The following COL19A1 variants were observed in gnomAD, a reference collection of about 807,000 sequenced individuals.
COL19A1 encodes the protein collagen alpha-1(XIX) chain.
A neutral mutation model predicts 190.2 loss-of-function variants in COL19A1; 159 were observed. The observed-to-expected ratio is 0.84, with a 90% CI of 0.73 to 0.95. The LOEUF (loss-of-function observed/expected upper bound fraction) is 0.95, where lower values mean the gene tolerates loss of function less well. Ranked by LOEUF, COL19A1 falls within the 40% of genes least tolerant of loss-of-function variation. The probability of loss-of-function intolerance (pLI) is 0.00; values close to 1 mark genes in which losing one functional copy is unlikely to be tolerated. For missense variants in COL19A1, 1,418 were observed against 1,431.9 expected, an observed-to-expected ratio of 0.99 and a Z score of 0.16; for synonymous variants, 509 against 458.9, an observed-to-expected ratio of 1.11 and a Z score of -1.39.
intron 22 of COL19A1, 52 bp from the exon 23 acceptor site, chr6:70,142,715 C>CTTTTTTTTT: frequency 2.8e-6 from 4 of 1,425,548 alleles, no homozygotes; most frequent in Admixed American, 2.0e-5. Context: ...TACAATCTAT[C>CTTTTTTTTT]TTTTTTTTTC....
intron 11 of COL19A1, among the ~76,000 whole-genome samples, chr6:69,975,130 T>A (rs755980141): frequency 5.9e-5 from 9 of 152,170 alleles, no homozygotes; most frequent in Non-Finnish European, 1.3e-4. Context: ...CTTCTTAAAC[T>A]GTCTCCTAAA....
At chr6:69,911,242 T>G (rs1010468908) in intron 4 of COL19A1, among the ~76,000 whole-genome samples, 5 of 152,232 alleles carry the variant, frequency 3.3e-5, no homozygotes, top group Non-Finnish European at 4.4e-5. Flanking sequence ...ATTTCAATTC[T>G]TTCAACTTAG....
intron 11 of COL19A1, among the ~76,000 whole-genome samples, chr6:69,978,540 T>C (rs1775855635): frequency 6.6e-6 from 1 of 151,666 alleles, no homozygotes; most frequent in Admixed American, 6.6e-5. Context: ...TAAAAATCAA[T>C]GCACAAGAAA....
intron 15 of COL19A1, among the ~76,000 whole-genome samples, chr6:70,069,537 A>G (rs1179742581): frequency 6.6e-6 from 1 of 152,156 alleles, no homozygotes; most frequent in Non-Finnish European, 1.5e-5. Flanking sequence ...AGTTGTCGAG[A>G]ATGAGACTGG....
chr6:70,160,421 T>C (rs1259367407), intron 34 of COL19A1, among the ~76,000 whole-genome samples: 3 of 152,094 alleles, frequency 2.0e-5, no homozygotes, highest in Non-Finnish European at 4.4e-5. Flanking sequence ...GAGATTTGGG[T>C]AGAGACTCAG....
intron 40 of COL19A1, among the ~76,000 whole-genome samples, chr6:70,170,411 C>A (rs1441958657): frequency 1.3e-5 from 2 of 152,176 alleles, no homozygotes; most frequent in African/African-American, 4.8e-5. Flanking sequence ...TGACAATAGA[C>A]CTGCCTCACT....
At chr6:69,883,035 A>G (rs969092821) in intron 2 of COL19A1, among the ~76,000 whole-genome samples, 6 of 152,210 alleles carry the variant, frequency 3.9e-5, no homozygotes, top group African/African-American at 1.4e-4. Flanking sequence ...CTAACTAGGT[A>G]TTTTCCTTTG....
At chr6:69,985,436 A>T (rs1456378945) in intron 11 of COL19A1, among the ~76,000 whole-genome samples, 2 of 152,202 alleles carry the variant, frequency 1.3e-5, no homozygotes, top group East Asian at 1.9e-4. Context: ...GGGGTGAAGG[A>T]TGAGAGATGA....
At chr6:70,134,569 G>A (rs994044910) in intron 18 of COL19A1, among the ~76,000 whole-genome samples, 1 of 152,172 alleles carries the variant, frequency 6.6e-6, no homozygotes, top group Non-Finnish European at 1.5e-5. Flanking sequence ...CAGTTGGGAT[G>A]CGGATGACTG....
intron 14 of COL19A1, among the ~76,000 whole-genome samples, chr6:70,059,255 C>T (rs1160291219): frequency 6.6e-6 from 1 of 152,096 alleles, no homozygotes; most frequent in Non-Finnish European, 1.5e-5. Flanking sequence ...CTGCAACATT[C>T]CTGGCAAGGG....
intron 14 of COL19A1, among the ~76,000 whole-genome samples, chr6:70,048,949 G>A (rs1780048775): frequency 6.6e-6 from 1 of 151,478 alleles, no homozygotes; most frequent in African/African-American, 2.4e-5. Context: ...GGTTCTTGTT[G>A]TATGCCCAAA....
intron 4 of COL19A1, among the ~76,000 whole-genome samples, chr6:69,905,098 G>C (rs887954729): frequency 6.6e-6 from 1 of 152,110 alleles, no homozygotes; most frequent in African/African-American, 2.4e-5. Flanking sequence ...TGCAGCCACA[G>C]AGCCAACCCG....
chr6:70,127,117 A>T (rs1487226226), intron 17 of COL19A1, among the ~76,000 whole-genome samples: 2 of 152,154 alleles, frequency 1.3e-5, no homozygotes, highest in Non-Finnish European at 2.9e-5. Flanking sequence ...CAAAAAGGTG[A>T]GGGCAAAGAG....
chr6:70,148,317 A>G (rs1484328423), intron 27 of COL19A1, among the ~76,000 whole-genome samples: 1 of 151,786 alleles, frequency 6.6e-6, no homozygotes, highest in Non-Finnish European at 1.5e-5. Context: ...CTATCACCCA[A>G]GAAACCCAAG....
In COL19A1 at chr6:69,897,219, T is replaced by C. The variant is rs529056769; in HGVS notation, c.92-1729T>C. On this transcript the variant is annotated intron_variant, in intron 2 of 50. Transcript: ENST00000620364. Reference sequence around the variant, plus strand: ...TGGATATTCTGTTGACCCAGCACCGTTTAGTAAAATGACCATCCATTTCCC... The same window carrying C: ...TGGATATTCTGTTGACCCAGCACCGCTTAGTAAAATGACCATCCATTTCCC... Among the ~76,000 whole-genome samples the C allele has an allele frequency of 3.9e-5, 6 of 152,310 alleles. No individual in the cohort carries two copies. The East Asian group carries it at 1.2e-3, about 29-fold the overall frequency.
At chr6:70,073,898 T>C (rs944247886) in intron 15 of COL19A1, among the ~76,000 whole-genome samples, 3 of 152,222 alleles carry the variant, frequency 2.0e-5, no homozygotes, top group Non-Finnish European at 4.4e-5. Flanking sequence ...GGTTTGATTC[T>C]GAACTGGTTG....
intron 17 of COL19A1, among the ~76,000 whole-genome samples, chr6:70,122,978 G>A (rs1165361568): frequency 6.6e-6 from 1 of 151,962 alleles, no homozygotes; most frequent in African/African-American, 2.4e-5. Flanking sequence ...GTTTTCCAGG[G>A]AGTATTATAT....
intron 11 of COL19A1, among the ~76,000 whole-genome samples, chr6:70,019,585 G>A (rs1778305325): frequency 6.6e-6 from 1 of 152,036 alleles, no homozygotes; most frequent in Non-Finnish European, 1.5e-5. Flanking sequence ...TTTTATCATA[G>A]AATGGCTATT....
At chr6:70,183,078 C>T (rs1766282771) in intron 44 of COL19A1, among the ~76,000 whole-genome samples, 1 of 152,012 alleles carries the variant, frequency 6.6e-6, no homozygotes, top group Non-Finnish European at 1.5e-5. Flanking sequence ...TTGGAAGAGA[C>T]AGGAAAATGT....
Sources: allele counts gnomAD v4.1 joint callset (sites outside exome capture counted in the v4.1 genomes callset), GRCh38; gene constraint gnomAD v4.1.1; transcripts MANE v1.5; gene names NCBI Gene and HGNC (gene_info 2026-07-23, HGNC 2026-07-21).